The following PAFAH1B1 variants were observed in gnomAD, a reference collection of about 807,000 sequenced individuals.
The protein encoded by PAFAH1B1 is platelet-activating factor acetylhydrolase IB subunit beta.
PAFAH1B1 carries 2 observed loss-of-function variants against 57.5 expected under a neutral mutation model. The ratio of observed to expected loss-of-function variants is 0.03; its 90% confidence interval spans 0.01 to 0.11. The LOEUF (loss-of-function observed/expected upper bound fraction) is 0.11. Among genes scored for constraint, PAFAH1B1 ranks in the 10% least tolerant of loss-of-function variants. PAFAH1B1 has a pLI of 1.00. For synonymous variants in PAFAH1B1, 152 were observed against 169.6 expected (o/e 0.90, Z 0.81); for missense variants, 257 against 512.0 (o/e 0.50, Z 4.81).
At chr17:2,679,612 GGATGGATGATTGGATGAT>G in intron 9 of PAFAH1B1, 1 of 75,520 alleles carries the variant, frequency 1.3e-5, no homozygotes, top group Non-Finnish European at 3.1e-5. Flanking sequence ...GTGGGTGGAT[GGATGGATGATTGGATGAT>G]TGGATGGATG....
At chr17:2,606,502 A>T (rs930744931) in intron 1 of PAFAH1B1, among the ~76,000 whole-genome samples, 6 of 151,902 alleles carry the variant, frequency 3.9e-5, no homozygotes, top group Non-Finnish European at 7.4e-5. Flanking sequence ...AGCTGGAATT[A>T]TGGGTGCCTG....
chr17:2,652,971 A>G (rs985594528), intron 2 of PAFAH1B1, among the ~76,000 whole-genome samples: 4 of 152,182 alleles, frequency 2.6e-5, no homozygotes, highest in Admixed American at 6.5e-5. Flanking sequence ...ACATGCACAC[A>G]TATGTTTATT....
At chr17:2,607,491 T>C (rs1255235500) in intron 1 of PAFAH1B1, among the ~76,000 whole-genome samples, 1 of 143,876 alleles carries the variant, frequency 7.0e-6, no homozygotes, top group African/African-American at 2.5e-5. Context: ...TTTCTTTTTC[T>C]TTTTTTTTTT....
intron 1 of PAFAH1B1, among the ~76,000 whole-genome samples, chr17:2,626,628 C>G (rs1159355621): frequency 7.4e-6 from 1 of 135,516 alleles, no homozygotes; most frequent in Non-Finnish European, 1.5e-5. Flanking sequence ...GATCTTGGCT[C>G]ACTGCAACCT....
At chr17:2,633,150 T>C (rs965053847) in intron 1 of PAFAH1B1, among the ~76,000 whole-genome samples, 3 of 151,712 alleles carry the variant, frequency 2.0e-5, no homozygotes, top group Non-Finnish European at 4.4e-5. Flanking sequence ...AGATTTATTT[T>C]TTTCTTTTTC....
chr17:2,634,269 T>A (rs2068594478), intron 1 of PAFAH1B1, among the ~76,000 whole-genome samples: 1 of 152,132 alleles, frequency 6.6e-6, no homozygotes, highest in South Asian at 2.1e-4. Context: ...CTCAAGTAGC[T>A]GGATTACAGG....
intron 1 of PAFAH1B1, among the ~76,000 whole-genome samples, chr17:2,605,417 A>G (rs916001122): frequency 6.6e-6 from 1 of 152,176 alleles, no homozygotes; most frequent in African/African-American, 2.4e-5. Context: ...TCAGCTTTTT[A>G]CTGTCTTTAA....
At chr17:2,645,385 G>C (rs1410065674) in intron 2 of PAFAH1B1, among the ~76,000 whole-genome samples, 2 of 151,906 alleles carry the variant, frequency 1.3e-5, no homozygotes, top group African/African-American at 4.8e-5. Context: ...CTTGAGGTCA[G>C]GAGTTGGAGA....
intron 1 of PAFAH1B1, chr17:2,613,579 C>T (rs534300141): frequency 6.1e-5 from 17 of 279,932 alleles, no homozygotes; most frequent in Middle Eastern, 1.1e-3. Context: ...TGGTGGTCAG[C>T]GGGTGCTCCC....
chr17:2,624,420 C>T (rs1447071934), intron 1 of PAFAH1B1, among the ~76,000 whole-genome samples: 4 of 152,088 alleles, frequency 2.6e-5, no homozygotes, highest in South Asian at 2.1e-4. Context: ...CAGACATACC[C>T]GAAACTGGGA....
chr17:2,672,773 T>G lies in PAFAH1B1; in HGVS notation c.671+16T>G, dbSNP rs774993809. 6.6e-7 allele frequency: 1 copy of G among 1,521,430 alleles called. No homozygotes were observed. The highest frequency in any genetic ancestry group is 9.1e-7 in the Non-Finnish European group (1 of 1,097,188). The allele number at this position is 1,521,430 out of a possible 1,614,324, so 94.2% of individuals were successfully genotyped here. A position where few individuals can be genotyped will look rare whatever the true frequency, so the allele number is the denominator to read the frequency against. On this transcript the variant is annotated intron_variant, in intron 7 of 10. Coordinates refer to ENST00000397195, the MANE Select transcript of PAFAH1B1 (RefSeq NM_000430.4). ...TGCAAACTGGGTAAGTAAGTTTAGT[T>G]GAAAAGGCATCAGCGGCCAGGTGCA...
chr17:2,673,510 G>A (rs1278787533), intron 7 of PAFAH1B1, among the ~76,000 whole-genome samples: 4 of 151,732 alleles, frequency 2.6e-5, no homozygotes, highest in Non-Finnish European at 5.9e-5. Flanking sequence ...GTGGTGGCGG[G>A]CGCCTGTAGT....
chr17:2,629,754 T>G (rs1373574011), intron 1 of PAFAH1B1, among the ~76,000 whole-genome samples: 4 of 152,210 alleles, frequency 2.6e-5, no homozygotes, highest in South Asian at 2.1e-4. Flanking sequence ...TTTTATAAAT[T>G]TGGGCACTCC....
intron 1 of PAFAH1B1, among the ~76,000 whole-genome samples, chr17:2,611,354 G>A (rs774992242): frequency 2.6e-4 from 40 of 151,950 alleles, no homozygotes; most frequent in Non-Finnish European, 5.3e-4. Context: ...TGTAGTCCCA[G>A]CTACTCAGGA....
chr17:2,675,634 C>CTTTT (rs11397532), intron 8 of PAFAH1B1, among the ~76,000 whole-genome samples: 2 of 145,808 alleles, frequency 1.4e-5, no homozygotes, highest in African/African-American at 2.5e-5. Flanking sequence ...CTACAGAAAA[C>CTTTT]TTTTTTTTTT....
intron 1 of PAFAH1B1, among the ~76,000 whole-genome samples, chr17:2,625,782 G>T (rs1352820764): frequency 6.6e-6 from 1 of 151,952 alleles, no homozygotes; most frequent in Non-Finnish European, 1.5e-5. Flanking sequence ...GGGGTAAAAA[G>T]AAAAAATTAG....
At chr17:2,673,201 G>A (rs2069207144) in intron 7 of PAFAH1B1, among the ~76,000 whole-genome samples, 1 of 152,146 alleles carries the variant, frequency 6.6e-6, no homozygotes, top group Non-Finnish European at 1.5e-5. Flanking sequence ...TTAAAACTAA[G>A]TTTGATCTGT....
chr17:2,593,685 A>C lies in PAFAH1B1; in HGVS notation c.-512A>C. 1 of 209,562 alleles carries C rather than the reference A, an allele frequency of 4.8e-6. No individual in the cohort carries two copies. Among genetic ancestry groups the C allele is most frequent in the Non-Finnish European group, 9.3e-6 (1 of 107,092 alleles). 13.0% of individuals were successfully genotyped at this position (209,562 alleles called of 1,614,324 possible). ...AGCTGGAGCGGCGGGGCGGCGGCGGAGTCCGGCGGCCGGGAGAGCGAGTGA... is the reference window on the plus strand; with the variant it reads ...AGCTGGAGCGGCGGGGCGGCGGCGGCGTCCGGCGGCCGGGAGAGCGAGTGA... On this transcript the variant is annotated 5_prime_UTR_variant, in exon 1 of 11. Transcript: ENST00000397195.
intron 1 of PAFAH1B1, among the ~76,000 whole-genome samples, chr17:2,627,089 C>T (rs150300821): frequency 8.8e-4 from 134 of 152,318 alleles, no homozygotes; most frequent in African/African-American, 3.1e-3. Flanking sequence ...AAAAGCTCTT[C>T]AGTTTAATTA....
Sources: gnomAD v4.1 joint callset for allele counts (sites outside exome capture counted in the v4.1 genomes callset) on GRCh38, gnomAD v4.1.1 for gene constraint, MANE v1.5 for transcripts, NCBI Gene and HGNC (gene_info 2026-07-23, HGNC 2026-07-21) for gene names.